ETV3L: variants seen among roughly 807,000 people sequenced by gnomAD.
ETV3L encodes ETS variant transcription factor 3 like.
In ETV3L, 30 loss-of-function variants were observed where a neutral mutation model predicts 27.6. That is an observed-to-expected ratio of 1.09 (90% CI 0.81 to 1.48). The LOEUF is 1.48. Among genes scored for constraint, ETV3L ranks in the 40% most tolerant of loss-of-function variants. The pLI, the probability that ETV3L is intolerant of heterozygous loss-of-function variation, is 0.00. For missense variants in ETV3L, 443 were observed against 455.6 expected (o/e 0.97, Z 0.25); for synonymous variants, 186 against 188.9 (o/e 0.98, Z 0.12).
chr1:157,092,623 C>T lies in ETV3L; in HGVS notation c.*26G>A, dbSNP rs1177912537. On this transcript the variant is annotated 3_prime_UTR_variant, in exon 5 of 5. Transcript: ENST00000454449. Reference sequence around the variant, plus strand: ...GAGAGATGGACTTTGGAGGACTCCTCCCCAACTTCCCACCTTCCTCTCTAG... The same window carrying T: ...GAGAGATGGACTTTGGAGGACTCCTTCCCAACTTCCCACCTTCCTCTCTAG... 7.0e-6 allele frequency: 11 copies of T among 1,560,432 alleles called. No individual in the cohort carries two copies. The South Asian group carries it at 1.3e-4, about 19-fold the overall frequency.
In ETV3L at chr1:157,092,780, C is replaced by T; in HGVS notation, c.955G>A (p.Glu319Lys). The change falls in exon 5 of 5, where the codon GAG becomes AAG. Residue 319 changes from glutamate (E) to lysine (K), a missense_variant. Coordinates refer to ENST00000454449, the MANE Select transcript of ETV3L (RefSeq NM_001004341.2). ...GLEVKPAPMM[E>K]AKGGLDPREV... ...CTGGGATCCAGGCCTCCCTTTGCCTCCATCATGGGAGCAGGCTTTACTTCC... is the reference window on the plus strand; with the variant it reads ...CTGGGATCCAGGCCTCCCTTTGCCTTCATCATGGGAGCAGGCTTTACTTCC... 1 of 1,614,204 alleles carries T rather than the reference C, an allele frequency of 6.2e-7. No individual in the cohort carries two copies. Among genetic ancestry groups the T allele is most frequent in the Non-Finnish European group, 8.5e-7 (1 of 1,180,026 alleles).
Position 157,094,355 on chromosome 1 carries a change from C to T in ETV3L, c.608-1228G>A, listed in dbSNP as rs369141823. ...CCTTCTTCTCTGTCTCACTCTGGTC[C>T]ATAACTTTCCACCTCCAAAAAGGCT... On this transcript the variant is annotated intron_variant, in intron 4 of 4. Coordinates refer to ENST00000454449, the MANE Select transcript of ETV3L (RefSeq NM_001004341.2). 3.1e-4 allele frequency among the ~76,000 whole-genome samples: 47 copies of T among 152,310 alleles called. No individual in the cohort carries two copies. In the East Asian group the frequency reaches 3.5e-3, roughly 11 times the overall value.
At chr1:157,097,825 C>T in intron 4 of ETV3L, 43 bp downstream of exon 4, 1 of 1,609,874 alleles carries the variant, frequency 6.2e-7, no homozygotes, top group African/African-American at 1.3e-5. Context: ...CCTCCCTCCT[C>T]TGGCTAAGAT....
In ETV3L at chr1:157,099,561, G is replaced by C; in HGVS notation, c.-38C>G. ...CGAGATGGGCTGTGTCTGGGCCTTG[G>C]GGAAATGGTCACCACTTAAGAGGAA... On this transcript the variant is annotated 5_prime_UTR_variant, in exon 1 of 5. Transcript: ENST00000454449. The C allele has an allele frequency of 6.3e-7, 1 of 1,576,844 alleles. No homozygotes were observed. The highest frequency in any genetic ancestry group is 8.6e-7 in the Non-Finnish European group (1 of 1,158,626).
In ETV3L at chr1:157,099,347, G is replaced by A. The variant is rs750838692; in HGVS notation, c.90C>T (p.Ala30=). 5.6e-6 allele frequency: 9 copies of A among 1,614,048 alleles called. No individual in the cohort carries two copies. The highest frequency in any genetic ancestry group is 1.6e-4 in the Middle Eastern group (1 of 6,080). Residue 30 remains alanine (A), a synonymous_variant, in exon 2 of 5, where the codon GCC becomes GCT. Transcript: ENST00000454449. ...TCTGCCGGGAGCCTGGGGACGACTC[G>A]GCTTTGTAGGCCCAATCAGGGAAGG... ...GLAFPDWAYK[A]ESSPGSRQIQ... is the part of the protein sequence containing the mutation.
rs1674132463 is a variant in ETV3L, at chr1:157,092,335, C to T, written c.*314G>A. 1 of 284,036 alleles carries T rather than the reference C, an allele frequency of 3.5e-6. No individual in the cohort carries two copies. The highest frequency in any genetic ancestry group is 6.1e-5 in the South Asian group (1 of 16,338). 17.6% of individuals were successfully genotyped at this position (284,036 alleles called of 1,614,324 possible). A position where few individuals can be genotyped will look rare whatever the true frequency, so the allele number is the denominator to read the frequency against. On this transcript the variant is annotated 3_prime_UTR_variant, in exon 5 of 5. Transcript: ENST00000454449. ...CTCCCCAGGCTAGACCCTTAATTTTCCCCCTTATGTGGGCAGGATGGAAAT... is the reference window on the plus strand; with the variant it reads ...CTCCCCAGGCTAGACCCTTAATTTTTCCCCTTATGTGGGCAGGATGGAAAT...
Position 157,099,368 on chromosome 1 carries a change from G to A in ETV3L, c.69C>T (p.Phe23=), listed in dbSNP as rs780610906. The A allele has an allele frequency of 5.6e-6, 9 of 1,614,076 alleles. No individual in the cohort carries two copies. The South Asian group carries it at 7.7e-5, about 14-fold the overall frequency. ...ACTCGGCTTTGTAGGCCCAATCAGGGAAGGCCAACCCTGGGTGGAGAGGGG... is the reference window on the plus strand; with the variant it reads ...ACTCGGCTTTGTAGGCCCAATCAGGAAAGGCCAACCCTGGGTGGAGAGGGG... ...NPGNWISGLA[F]PDWAYKAESS... Residue 23 remains phenylalanine (F), a synonymous_variant, in exon 2 of 5, where the codon TTC becomes TTT. Coordinates refer to ENST00000454449, the MANE Select transcript of ETV3L (RefSeq NM_001004341.2).
chr1:157,097,870 T>C lies in ETV3L; in HGVS notation c.605A>G (p.Tyr202Cys), dbSNP rs1278178267. The C allele has an allele frequency of 6.2e-7, 1 of 1,612,244 alleles. No individual in the cohort carries two copies. The highest frequency in any genetic ancestry group is 2.2e-5 in the East Asian group (1 of 44,816). The change falls in exon 4 of 5, where the codon TAC becomes TGC. Residue 202 changes from tyrosine to cysteine, a missense_variant and splice_region_variant. Physicochemically the swap from Tyr to Cys is radical, Grantham distance 194. Coordinates refer to ENST00000454449, the MANE Select transcript of ETV3L (RefSeq NM_001004341.2). ...GDKKGSSSSV[Y>C]RLGSAPGPCR... is the part of the protein sequence containing the mutation. ...CCCTCCCAGCCTTGAGCACTCACGG[T>C]AGACGCTGCTGCTGCTCCCCTTCTT...
chr1:157,093,263 G>C, intron 4 of ETV3L, 136 bp from the exon 5 acceptor site: 3 of 581,252 alleles, frequency 5.2e-6, no homozygotes, highest in Non-Finnish European at 5.5e-6. Context: ...TTTTCTTTCT[G>C]TCTTATTTTT....
intron 4 of ETV3L, among the ~76,000 whole-genome samples, chr1:157,094,023 G>A (rs1162207482): frequency 1.3e-5 from 2 of 152,048 alleles, no homozygotes; most frequent in South Asian, 2.1e-4. Context: ...ATTTTCCCTC[G>A]AATCTACCCA....
Position 157,099,562 on chromosome 1 carries a change from G to A in ETV3L, c.-39C>T, listed in dbSNP as rs758282544. The A allele has an allele frequency of 3.2e-6, 5 of 1,574,740 alleles. No individual in the cohort carries two copies. In the South Asian group the frequency reaches 5.8e-5, roughly 18 times the overall value. On this transcript the variant is annotated 5_prime_UTR_variant, in exon 1 of 5. Transcript: ENST00000454449. ...GAGATGGGCTGTGTCTGGGCCTTGG[G>A]GAAATGGTCACCACTTAAGAGGAAG... is the stretch of plus-strand genomic sequence containing the variant.
Position 157,096,329 on chromosome 1 carries a change from A to G in ETV3L, c.607+1539T>C, listed in dbSNP as rs1240740308. On this transcript the variant is annotated intron_variant, in intron 4 of 4. Coordinates refer to ENST00000454449, the MANE Select transcript of ETV3L (RefSeq NM_001004341.2). ...TTGAATATCTGCACCCCCCTTGCCT[A>G]TAAGTCCCATAAAGGCAGTGTTGCT... is the stretch of plus-strand genomic sequence containing the variant. Among the ~76,000 whole-genome samples, 9 of 152,142 alleles carry G rather than the reference A, an allele frequency of 5.9e-5. No homozygotes were observed. In the East Asian group the frequency reaches 9.6e-4, roughly 16 times the overall value.
intron 4 of ETV3L, among the ~76,000 whole-genome samples, chr1:157,094,255 C>G (rs1178777408): frequency 6.6e-6 from 1 of 152,232 alleles, no homozygotes; most frequent in East Asian, 1.9e-4. Context: ...TTGGATTAAG[C>G]TGTGTCATGG....
chr1:157,094,946 A>T (rs1050173266), intron 4 of ETV3L, among the ~76,000 whole-genome samples: 38 of 151,864 alleles, frequency 2.5e-4, no homozygotes, highest in African/African-American at 8.7e-4. Flanking sequence ...CTGGAAAAAC[A>T]AATTAGTTAT....
chr1:157,097,940 T>G lies in ETV3L; in HGVS notation c.535A>C (p.Thr179Pro). Residue 179 changes from threonine to proline, a missense_variant, in exon 4 of 5, where the codon ACA (threonine) becomes CCA (proline). Coordinates refer to ENST00000454449, the MANE Select transcript of ETV3L (RefSeq NM_001004341.2). ...GGCCCTCGGGGGGTCTGCTGTCCTG[T>G]CAGCTGCTCCACCATGGCCTGATGG... is the stretch of plus-strand genomic sequence containing the variant. ...FAHQAMVEQL[T>P]GQQTPRGPPE... 6.2e-7 allele frequency: 1 copy of G among 1,613,670 alleles called. No homozygotes were observed. Among genetic ancestry groups the G allele is most frequent in the Non-Finnish European group, 8.5e-7 (1 of 1,179,844 alleles).
In ETV3L at chr1:157,097,898, C is replaced by T. The variant is rs149703524; in HGVS notation, c.577G>A (p.Asp193Asn). ...ACGCTGCTGCTGCTCCCCTTCTTAT[C>T]CCCAGAGGTCTCTGGTGGCCCTCGG... ...TPRGPPETSG[D>N]KKGSSSSVYR... The change falls in exon 4 of 5, where the codon GAT (aspartate) becomes AAT (asparagine). Residue 193 changes from aspartate (D) to asparagine (N), a missense_variant. By Grantham distance (23) the Asp-to-Asn change is conservative. Transcript: ENST00000454449. 2.5e-6 allele frequency: 4 copies of T among 1,613,632 alleles called. No homozygotes were observed. The highest frequency in any genetic ancestry group is 2.2e-5 in the South Asian group (2 of 91,050).
intron 4 of ETV3L, among the ~76,000 whole-genome samples, chr1:157,093,683 G>A (rs940417077): frequency 1.3e-5 from 2 of 151,994 alleles, no homozygotes; most frequent in African/African-American, 4.8e-5. Flanking sequence ...TGTAGAGACA[G>A]GGTTTCACCA....
At position 157,092,276 on chromosome 1, in the gene ETV3L, G is replaced by T; in HGVS notation, c.*373C>A. 5.7e-6 allele frequency: 1 copy of T among 176,314 alleles called. No individual in the cohort carries two copies. Among genetic ancestry groups the T allele is most frequent in the South Asian group, 1.5e-4 (1 of 6,718 alleles). 10.9% of individuals were successfully genotyped at this position (176,314 alleles called of 1,614,324 possible). A position where few individuals can be genotyped will look rare whatever the true frequency, so the allele number is the denominator to read the frequency against. On this transcript the variant is annotated 3_prime_UTR_variant, in exon 5 of 5. Transcript: ENST00000454449. ...GCCTGGAATGGGGAGATGGGCCCCAGACAAGACTCAGGGAACACAACCACC... is the reference window on the plus strand; with the variant it reads ...GCCTGGAATGGGGAGATGGGCCCCATACAAGACTCAGGGAACACAACCACC...
In ETV3L at chr1:157,092,922, G is replaced by A. The variant is rs1373423633; in HGVS notation, c.813C>T (p.Leu271=). The A allele has an allele frequency of 1.2e-6, 2 of 1,614,098 alleles. No individual in the cohort carries two copies. The highest frequency in any genetic ancestry group is 3.3e-5 in the Admixed American group (2 of 60,030). ...CCCCTGGGAGGCTCCTAGGTCCTGG[G>A]AGCAGGATGTCTGGCTTAAAAGCCC... ...LPGAFKPDIL[L]PGPRSLPGAW... is the part of the protein sequence containing the mutation. The change falls in exon 5 of 5, where the codon CTC becomes CTT. Residue 271 remains leucine, a synonymous_variant. Transcript: ENST00000454449.
Sources: allele counts gnomAD v4.1 joint callset (sites outside exome capture counted in the v4.1 genomes callset), GRCh38; gene constraint gnomAD v4.1.1; transcripts MANE v1.5; gene names NCBI Gene and HGNC (gene_info 2026-07-23, HGNC 2026-07-21).